Variants in SLC18A1 observed in about 807,000 individuals in gnomAD.
The protein encoded by SLC18A1 is solute carrier family 18 member A1.
SLC18A1 carries 69 observed loss-of-function variants against 53.7 expected under a neutral mutation model. That is an observed-to-expected ratio of 1.28 (90% CI 1.06 to 1.57). The LOEUF is 1.57. Among genes scored for constraint, SLC18A1 ranks in the 40% most tolerant of loss-of-function variants. The pLI, the probability that SLC18A1 is intolerant of heterozygous loss-of-function variation, is 0.00. For missense variants in SLC18A1, 932 were observed against 668.1 expected, an observed-to-expected ratio of 1.40 and a Z score of -4.35; for synonymous variants, 320 against 248.1, an observed-to-expected ratio of 1.29 and a Z score of -2.72.
chr8:20,163,338 T>C (rs2071876506), intron 10 of SLC18A1, among the ~76,000 whole-genome samples: 1 of 152,136 alleles, frequency 6.6e-6, no homozygotes, highest in African/African-American at 2.4e-5. Flanking sequence ...GGGGATTCAA[T>C]TTGCAACATA....
chr8:20,160,961 A>G (rs995103860), intron 10 of SLC18A1, among the ~76,000 whole-genome samples: 1 of 152,172 alleles, frequency 6.6e-6, no homozygotes, highest in Admixed American at 6.6e-5. Flanking sequence ...ATCTATTCAT[A>G]AAGGTGGTGC....
intron 10 of SLC18A1, 151 bp downstream of exon 10, chr8:20,164,718 C>T (rs2071910724): frequency 1.6e-6 from 1 of 612,458 alleles, no homozygotes. Flanking sequence ...TCTGAGGGAC[C>T]ACACACCCTC....
intron 10 of SLC18A1, among the ~76,000 whole-genome samples, chr8:20,163,316 GACTGTTGC>G (rs1438810097): frequency 6.6e-6 from 1 of 152,158 alleles, no homozygotes; most frequent in Non-Finnish European, 1.5e-5. Flanking sequence ...CACTTCTCAA[GACTGTTGC>G]ACTGGGGATT....
chr8:20,153,262 G>A (rs1418529390), intron 10 of SLC18A1, among the ~76,000 whole-genome samples: 1 of 152,168 alleles, frequency 6.6e-6, no homozygotes, highest in East Asian at 1.9e-4. Context: ...CAGACAAGGA[G>A]TAGGCAACAA....
rs1484838783 is a variant in SLC18A1 at position 20,178,485 on chromosome 8, T to C, written c.497A>G (p.Tyr166Cys). Reference sequence around the variant, plus strand: ...AAAGCCAGCAAACATGGGGATATGATATCCAATCCTAAAAGGGAATTGAAA... The same window carrying C: ...AAAGCCAGCAAACATGGGGATATGACATCCAATCCTAAAAGGGAATTGAAA... ...FVGPLTNRIG[Y>C]HIPMFAGFVI... is the part of the protein sequence containing the mutation. Residue 166 changes from tyrosine to cysteine, a missense_variant, in exon 4 of 16, where the codon TAT (tyrosine) becomes TGT (cysteine). By Grantham distance (194) the Tyr-to-Cys change is radical (BLOSUM62 -2). Transcript: ENST00000276373. 1 of 1,606,768 alleles carries C rather than the reference T, an allele frequency of 6.2e-7. No individual in the cohort carries two copies. The highest frequency in any genetic ancestry group is 1.3e-5 in the African/African-American group (1 of 74,546).
intron 10 of SLC18A1, among the ~76,000 whole-genome samples, chr8:20,161,571 C>T (rs1368208688): frequency 1.3e-5 from 2 of 152,018 alleles, no homozygotes; most frequent in Non-Finnish European, 2.9e-5. Flanking sequence ...GTGAGGAGTC[C>T]TAGAACCACT....
intron 10 of SLC18A1, among the ~76,000 whole-genome samples, chr8:20,160,125 T>C (rs1472768083): frequency 2.0e-5 from 3 of 152,096 alleles, no homozygotes; most frequent in Non-Finnish European, 2.9e-5. Flanking sequence ...TTCTCTTCTA[T>C]GGAGTAGAAG....
At chr8:20,164,473 C>T (rs1350233433) in intron 10 of SLC18A1, among the ~76,000 whole-genome samples, 1 of 152,150 alleles carries the variant, frequency 6.6e-6, no homozygotes, top group South Asian at 2.1e-4. Context: ...GTCATTTATT[C>T]ATCCAATTTC....
chr8:20,157,443 C>G lies in SLC18A1; in HGVS notation c.1016-6699G>C, dbSNP rs2071710997. On this transcript the variant is annotated intron_variant, in intron 10 of 15. Coordinates refer to ENST00000276373, the MANE Select transcript of SLC18A1 (RefSeq NM_003053.4). ...AGACTCTCATTATGATGCAGAATCA[C>G]AACATGGAGATTGGTGCCGCAGACA... 2.0e-5 allele frequency among the ~76,000 whole-genome samples: 3 copies of G among 151,958 alleles called. No individual in the cohort carries two copies. The South Asian group carries it at 6.2e-4, about 32-fold the overall frequency.
Position 20,164,943 on chromosome 8 carries a change from A to C in SLC18A1, c.941T>G (p.Met314Arg). The change falls in exon 10 of 16, where the codon ATG becomes AGG. Residue 314 changes from methionine (M) to arginine (R), a missense_variant. Transcript: ENST00000276373. Reference protein sequence around the residue: ...VAAGSICFANMGVAILEPTLP... With the variant: ...VAAGSICFANRGVAILEPTLP... ...TGTGGGCTCCAGGATGGCCACCCCC[A>C]TGTTGGCAAAGCAGATGGACCCTGG... 3 of 1,613,858 alleles carry C rather than the reference A, an allele frequency of 1.9e-6. No individual in the cohort carries two copies. Among genetic ancestry groups the C allele is most frequent in the Non-Finnish European group, 2.5e-6 (3 of 1,179,840 alleles).
chr8:20,161,379 T>C (rs145982578), intron 10 of SLC18A1, among the ~76,000 whole-genome samples: 18 of 152,166 alleles, frequency 1.2e-4, no homozygotes, highest in Non-Finnish European at 2.2e-4. Flanking sequence ...CAGTACAAGA[T>C]AAAAATAATA....
chr8:20,170,580 A>G (rs902373127), intron 8 of SLC18A1, among the ~76,000 whole-genome samples: 7 of 151,934 alleles, frequency 4.6e-5, no homozygotes, highest in Non-Finnish European at 1.0e-4. Flanking sequence ...ACAAGTACCA[A>G]CTCTGATATT....
At position 20,173,056 on chromosome 8, in the gene SLC18A1, C is replaced by G. The variant is rs1213858650; in HGVS notation, c.704G>C (p.Gly235Ala). The change falls in exon 6 of 16, where the codon GGC becomes GCC. Residue 235 changes from glycine (G) to alanine (A), a missense_variant. Transcript: ENST00000276373. Reference sequence around the variant, plus strand: ...CTTACCCAGCAACCCCAAGGCCAGGCCCCCCAGAGCAGTTCCCATGGCTCG... The same window carrying G: ...CTTACCCAGCAACCCCAAGGCCAGGGCCCCCAGAGCAGTTCCCATGGCTCG... ...RGRAMGTALG[G>A]LALGLLVGAP... 7 of 1,588,908 alleles carry G rather than the reference C, an allele frequency of 4.4e-6. No homozygotes were observed. Among genetic ancestry groups the G allele is most frequent in the Non-Finnish European group, 6.0e-6 (7 of 1,167,966 alleles).
chr8:20,170,009 C>T (rs1217851058), intron 8 of SLC18A1, among the ~76,000 whole-genome samples: 1 of 152,154 alleles, frequency 6.6e-6, no homozygotes, highest in Non-Finnish European at 1.5e-5. Flanking sequence ...TGTCCCTACG[C>T]CTGGGCCAGG....
intron 10 of SLC18A1, among the ~76,000 whole-genome samples, chr8:20,152,105 A>G (rs2071572250): frequency 6.6e-6 from 1 of 152,296 alleles, no homozygotes; most frequent in East Asian, 1.9e-4. Context: ...GACCTTAATA[A>G]CCAAAAGAGA....
intron 2 of SLC18A1, among the ~76,000 whole-genome samples, chr8:20,179,834 G>T (rs756847240): frequency 2.0e-5 from 3 of 152,138 alleles, no homozygotes; most frequent in Non-Finnish European, 4.4e-5. Flanking sequence ...AGATTGACAT[G>T]TAACCCCCCA....
At chr8:20,172,296 C>T (rs968323401) in intron 6 of SLC18A1, among the ~76,000 whole-genome samples, 7 of 152,206 alleles carry the variant, frequency 4.6e-5, no homozygotes, top group Non-Finnish European at 1.0e-4. Context: ...TTGATGGATA[C>T]TAGCAAATAA....
chr8:20,145,791 C>G lies in SLC18A1; in HGVS notation c.1550G>C (p.Ser517Thr), dbSNP rs544088544. 1 of 1,611,656 alleles carries G rather than the reference C, an allele frequency of 6.2e-7. No individual in the cohort carries two copies. The highest frequency in any genetic ancestry group is 8.5e-7 in the Non-Finnish European group (1 of 1,178,794). Reference protein sequence around the residue: ...PTKEFPLGEDSDEEPDHEE With the variant: ...PTKEFPLGEDTDEEPDHEE ...CTCCTCATGGTCAGGCTCCTCATCACTGTCCTCCCCCAGAGGAAATTCCTT... is the reference window on the plus strand; with the variant it reads ...CTCCTCATGGTCAGGCTCCTCATCAGTGTCCTCCCCCAGAGGAAATTCCTT... Residue 517 changes from serine to threonine, a missense_variant, in exon 16 of 16, where the codon AGT becomes ACT. Ser to Thr is a moderately conservative substitution (Grantham distance 58, BLOSUM62 1). Transcript: ENST00000276373.
chr8:20,156,464 G>T (rs912123429), intron 10 of SLC18A1, among the ~76,000 whole-genome samples: 6 of 152,148 alleles, frequency 3.9e-5, no homozygotes, highest in African/African-American at 7.2e-5. Context: ...AAGATAGATG[G>T]TTCCTCCCGG....
Sources: gnomAD v4.1 joint callset for allele counts (sites outside exome capture counted in the v4.1 genomes callset) on GRCh38, gnomAD v4.1.1 for gene constraint, MANE v1.5 for transcripts, NCBI Gene and HGNC (gene_info 2026-07-23, HGNC 2026-07-21) for gene names.